Variants in RAPGEF5 observed in about 807,000 individuals in gnomAD.
RAPGEF5 encodes the protein Rap guanine nucleotide exchange factor 5, also known as M-Ras-regulated GEF.
RAPGEF5 carries 65 observed loss-of-function variants against 125.2 expected under a neutral mutation model. That is an observed-to-expected ratio of 0.52 (90% confidence interval 0.43 to 0.64). The LOEUF is 0.64. Ranked by LOEUF, RAPGEF5 falls within the 30% of genes least tolerant of loss-of-function variation. RAPGEF5 has a pLI of 0.00. For synonymous variants in RAPGEF5, 391 were observed against 385.9 expected (o/e 1.01, Z -0.16); for missense variants, 958 against 1,048.1 (o/e 0.91, Z 1.19).
At chr7:22,149,138 C>T (rs985541917) in intron 18 of RAPGEF5, among the ~76,000 whole-genome samples, 8 of 152,150 alleles carry the variant, frequency 5.3e-5, no homozygotes, top group Admixed American at 3.3e-4. Flanking sequence ...CAGCCTCTCT[C>T]GTGGGGTTAC....
intron 5 of RAPGEF5, among the ~76,000 whole-genome samples, chr7:22,305,337 C>G (rs1783311855): frequency 6.6e-6 from 1 of 152,166 alleles, no homozygotes; most frequent in African/African-American, 2.4e-5. Context: ...TATTCTGAAG[C>G]TTATTCTCCT....
At chr7:22,134,995 C>T (rs1264108136) in intron 23 of RAPGEF5, among the ~76,000 whole-genome samples, 6 of 152,172 alleles carry the variant, frequency 3.9e-5, no homozygotes, top group Non-Finnish European at 1.5e-5. Flanking sequence ...CAGTGAGTAG[C>T]TGCACGATGT....
At chr7:22,348,710 T>C (rs537556748) in intron 1 of RAPGEF5, among the ~76,000 whole-genome samples, 30 of 152,284 alleles carry the variant, frequency 2.0e-4, no homozygotes, top group African/African-American at 6.7e-4. Context: ...AGAGGGTACA[T>C]TGGTGGTTAC....
intron 6 of RAPGEF5, among the ~76,000 whole-genome samples, chr7:22,280,576 G>A (rs1220094086): frequency 6.6e-6 from 1 of 152,060 alleles, no homozygotes; most frequent in Non-Finnish European, 1.5e-5. Flanking sequence ...CCCAGGAGTG[G>A]GAATGAACCA....
chr7:22,299,033 T>C (rs80333223), intron 5 of RAPGEF5, among the ~76,000 whole-genome samples: 2 of 151,794 alleles, frequency 1.3e-5, no homozygotes, highest in African/African-American at 2.4e-5. Context: ...TTTTTTTTTT[T>C]CAAAGAACCA....
intron 5 of RAPGEF5, 59 bp from the exon 6 acceptor site, chr7:22,291,300 C>G (rs1562511704): frequency 6.7e-7 from 1 of 1,487,784 alleles, no homozygotes. Flanking sequence ...ATTTATCTAC[C>G]AAGTTAGGAA....
intron 11 of RAPGEF5, among the ~76,000 whole-genome samples, chr7:22,190,204 C>T (rs943914402): frequency 1.3e-5 from 2 of 151,970 alleles, no homozygotes; most frequent in African/African-American, 4.8e-5. Flanking sequence ...CGCTTGAACC[C>T]GAGAGTCAGA....
intron 9 of RAPGEF5, among the ~76,000 whole-genome samples, chr7:22,197,962 T>A (rs751332986): frequency 6.8e-6 from 1 of 146,854 alleles, no homozygotes; most frequent in Non-Finnish European, 1.5e-5. Context: ...CAATCTCCAC[T>A]CACTGCCACC....
chr7:22,257,433 G>A (rs1429307555), intron 7 of RAPGEF5, among the ~76,000 whole-genome samples: 1 of 152,138 alleles, frequency 6.6e-6, no homozygotes, highest in African/African-American at 2.4e-5. Context: ...ACTCATTAAT[G>A]CATTCTATTT....
At chr7:22,301,563 C>T (rs1047250578) in intron 5 of RAPGEF5, among the ~76,000 whole-genome samples, 4 of 145,352 alleles carry the variant, frequency 2.8e-5, no homozygotes, top group East Asian at 4.0e-4. Context: ...TGCAGTAAGC[C>T]GAGATCGTGC....
chr7:22,292,020 T>A (rs544075043), intron 5 of RAPGEF5, among the ~76,000 whole-genome samples: 5 of 152,356 alleles, frequency 3.3e-5, no homozygotes, highest in African/African-American at 1.2e-4. Flanking sequence ...TGACTAATGC[T>A]ATTGAATATA....
rs545938040 is a variant in RAPGEF5, at chr7:22,145,285, G to A, written c.2008-63C>T. 3.7e-5 allele frequency: 55 copies of A among 1,476,610 alleles called. No individual in the cohort carries two copies. The East Asian group carries it at 1.2e-3, about 32-fold the overall frequency. 91.5% of individuals were successfully genotyped at this position (1,476,610 alleles called of 1,614,324 possible). Reference sequence around the variant, plus strand: ...GCAAAGTATGGTTGATACAAAACTCGGTCAAATTTTAAGAGCTACTTCAGG... The same window carrying A: ...GCAAAGTATGGTTGATACAAAACTCAGTCAAATTTTAAGAGCTACTTCAGG... On this transcript the variant is annotated intron_variant, in intron 19 of 25. Transcript: ENST00000665637.
intron 21 of RAPGEF5, among the ~76,000 whole-genome samples, chr7:22,139,523 CA>C (rs1783188500): frequency 6.6e-6 from 1 of 152,350 alleles, no homozygotes; most frequent in South Asian, 2.1e-4. Flanking sequence ...TCTCAGAACC[CA>C]AACAGCCTTC....
At chr7:22,148,135 T>C (rs1049437471) in intron 18 of RAPGEF5, among the ~76,000 whole-genome samples, 2 of 152,064 alleles carry the variant, frequency 1.3e-5, no homozygotes, top group Non-Finnish European at 2.9e-5. Context: ...TGTAGAGGTG[T>C]TGAGGTGGAG....
chr7:22,288,938 G>A (rs142912086), intron 6 of RAPGEF5, among the ~76,000 whole-genome samples: 14 of 151,994 alleles, frequency 9.2e-5, no homozygotes, highest in African/African-American at 3.1e-4. Flanking sequence ...TCTTAACCAG[G>A]ACCTTCTTCT....
chr7:22,320,327 C>T (rs1370313551), intron 1 of RAPGEF5, among the ~76,000 whole-genome samples: 1 of 152,132 alleles, frequency 6.6e-6, no homozygotes, highest in Non-Finnish European at 1.5e-5. Flanking sequence ...ACTGTACTTC[C>T]GCAGAGACCA....
At chr7:22,297,697 AT>A (rs1361793720) in intron 5 of RAPGEF5, among the ~76,000 whole-genome samples, 1 of 152,236 alleles carries the variant, frequency 6.6e-6, no homozygotes, top group Admixed American at 6.5e-5. Flanking sequence ...TTTTATGTAT[AT>A]AACTATGTCA....
intron 12 of RAPGEF5, 87 bp downstream of exon 12, chr7:22,166,983 A>C: frequency 1.9e-6 from 2 of 1,079,550 alleles, no homozygotes; most frequent in Non-Finnish European, 2.8e-6. Flanking sequence ...ATGGGGTTGA[A>C]TAAATTAAGG....
intron 24 of RAPGEF5, among the ~76,000 whole-genome samples, chr7:22,125,968 C>T (rs879485275): frequency 1.3e-5 from 2 of 151,924 alleles, no homozygotes; most frequent in South Asian, 2.1e-4. Context: ...GCCAATATGG[C>T]GAAACCCCAT....
Sources: gnomAD v4.1 joint callset for allele counts (sites outside exome capture counted in the v4.1 genomes callset) on GRCh38, gnomAD v4.1.1 for gene constraint, MANE v1.5 for transcripts, NCBI Gene and HGNC (gene_info 2026-07-23, HGNC 2026-07-21) for gene names.